UCHL1: variants seen among roughly 807,000 people sequenced by gnomAD.
UCHL1 encodes the protein ubiquitin carboxyl-terminal hydrolase isozyme L1.
A neutral mutation model predicts 33.3 loss-of-function variants in UCHL1; 5 were observed. The ratio of observed to expected loss-of-function variants is 0.15; its 90% CI spans 0.08 to 0.32. The LOEUF (loss-of-function observed/expected upper bound fraction) is 0.32. UCHL1 is among the 10% of genes least tolerant of loss of function. The probability of loss-of-function intolerance (pLI) is 1.00; values close to 1 mark genes in which losing one functional copy is unlikely to be tolerated. For missense variants in UCHL1, 236 were observed against 280.0 expected, an observed-to-expected ratio of 0.84 and a Z score of 1.12; for synonymous variants, 132 against 108.8, an observed-to-expected ratio of 1.21 and a Z score of -1.33.
At chr4:41,260,836 A>G (rs1314060380) in intron 4 of UCHL1, 39 bp downstream of exon 4, 1 of 1,613,950 alleles carries the variant, frequency 6.2e-7, no homozygotes, top group East Asian at 2.2e-5. Flanking sequence ...CTAAGCTTGA[A>G]CTTGAAACAT....
At chr4:41,259,605 A>G (rs1285383385) in intron 3 of UCHL1, among the ~76,000 whole-genome samples, 3 of 152,222 alleles carry the variant, frequency 2.0e-5, no homozygotes, top group African/African-American at 7.2e-5. Flanking sequence ...ATGCAAAGCT[A>G]CTAGAATTGG....
At chr4:41,262,786 T>C (rs958153995) in intron 6 of UCHL1, among the ~76,000 whole-genome samples, 1 of 152,148 alleles carries the variant, frequency 6.6e-6, no homozygotes, top group Non-Finnish European at 1.5e-5. Context: ...TTATATTTTT[T>C]GTAGAGATGG....
chr4:41,261,678 A>G (rs1391257519), intron 4 of UCHL1, 37 bp from the exon 5 acceptor site: 3 of 1,599,034 alleles, frequency 1.9e-6, no homozygotes, highest in African/African-American at 2.7e-5. Flanking sequence ...CACTTGTATT[A>G]TTTTACCTAT....
At position 41,260,495 on chromosome 4, in the gene UCHL1, G is replaced by A. The variant is rs1005648024; in HGVS notation, c.175-152G>A. On this transcript the variant is annotated intron_variant, in intron 3 of 8. Transcript: ENST00000284440. Reference sequence around the variant, plus strand: ...TGGGTGGTGTGGGAGGCAGACAGACGGGCCCTTCTCTGGGAGTCAGCCAAC... The same window carrying A: ...TGGGTGGTGTGGGAGGCAGACAGACAGGCCCTTCTCTGGGAGTCAGCCAAC... 8 of 918,034 alleles carry A rather than the reference G, an allele frequency of 8.7e-6. No homozygotes were observed. In the East Asian group the frequency reaches 1.9e-4, roughly 21 times the overall value. The allele number at this position is 918,034 out of a possible 1,614,324, so 56.9% of individuals were successfully genotyped here.
chr4:41,264,026 C>CT, intron 7 of UCHL1, 77 bp from the exon 8 acceptor site: 1 of 1,594,156 alleles, frequency 6.3e-7, no homozygotes, highest in Non-Finnish European at 8.6e-7. Context: ...GAATCTAAAA[C>CT]TTCCATCTAG....
chr4:41,261,281 T>C (rs1781064311), intron 4 of UCHL1, among the ~76,000 whole-genome samples: 1 of 152,214 alleles, frequency 6.6e-6, no homozygotes, highest in South Asian at 2.1e-4. Context: ...GATTATAGCG[T>C]CATGTATATA....
chr4:41,258,573 G>C (rs1285239270), intron 3 of UCHL1, among the ~76,000 whole-genome samples: 1 of 152,116 alleles, frequency 6.6e-6, no homozygotes, highest in African/African-American at 2.4e-5. Flanking sequence ...ATTAGCGCAT[G>C]GCATTGTCTT....
chr4:41,263,981 GCTTC>G, intron 7 of UCHL1, 118 bp from the exon 8 acceptor site: 1 of 1,263,926 alleles, frequency 7.9e-7, no homozygotes, highest in Non-Finnish European at 1.2e-6. Context: ...TCATAACCAG[GCTTC>G]CTTCTGTGGG....
At chr4:41,257,224 G>A in intron 2 of UCHL1, 98 bp downstream of exon 2, 2 of 1,588,610 alleles carry the variant, frequency 1.3e-6, no homozygotes, top group South Asian at 1.1e-5. Context: ...CAAGCCGCCC[G>A]CTGCGAGCAC....
At chr4:41,262,460 T>C (rs1448099671) in intron 6 of UCHL1, among the ~76,000 whole-genome samples, 9 of 152,140 alleles carry the variant, frequency 5.9e-5, no homozygotes, top group Non-Finnish European at 1.2e-4. Context: ...ATGAGTCTTA[T>C]AGAGTGTACA....
intron 3 of UCHL1, among the ~76,000 whole-genome samples, chr4:41,258,804 A>G (rs1023486837): frequency 6.6e-6 from 1 of 152,248 alleles, no homozygotes; most frequent in Non-Finnish European, 1.5e-5. Flanking sequence ...ATTTACAGCT[A>G]ATAAGATGAT....
chr4:41,258,964 A>G (rs968849258), intron 3 of UCHL1, among the ~76,000 whole-genome samples: 3 of 152,224 alleles, frequency 2.0e-5, no homozygotes, highest in Non-Finnish European at 1.5e-5. Context: ...TAGAGCAACC[A>G]TGATGACTCG....
chr4:41,257,764 G>A, intron 3 of UCHL1, 27 bp downstream of exon 3: 1 of 1,551,718 alleles, frequency 6.4e-7, no homozygotes, highest in South Asian at 1.2e-5. Context: ...AGGATGCGCC[G>A]GCCGCCGGCA....
chr4:41,263,143 C>G, intron 6 of UCHL1, 82 bp from the exon 7 acceptor site: 1 of 1,092,278 alleles, frequency 9.2e-7, no homozygotes. Flanking sequence ...CAAGTCAGTT[C>G]AAGCACATTT....
intron 6 of UCHL1, 151 bp from the exon 7 acceptor site, chr4:41,263,074 G>A: frequency 1.5e-6 from 1 of 678,442 alleles, no homozygotes; most frequent in African/African-American, 1.8e-5. Flanking sequence ...ACCTTAGTGG[G>A]CTTAGAATAG....
chr4:41,259,763 C>G (rs1580924279), intron 3 of UCHL1, among the ~76,000 whole-genome samples: 1 of 152,196 alleles, frequency 6.6e-6, no homozygotes, highest in African/African-American at 2.4e-5. Context: ...CTTCTGAGCT[C>G]AAGTGATCCT....
intron 8 of UCHL1, among the ~76,000 whole-genome samples, chr4:41,267,464 T>C (rs1274132890): frequency 6.6e-6 from 1 of 152,062 alleles, no homozygotes; most frequent in African/African-American, 2.4e-5. Flanking sequence ...GCCAGGATGG[T>C]CTCTATCTCC....
chr4:41,257,251 G>C (rs1197418968), intron 2 of UCHL1, 125 bp downstream of exon 2: 1 of 1,472,164 alleles, frequency 6.8e-7, no homozygotes, highest in Non-Finnish European at 9.2e-7. Flanking sequence ...CGGCCGGGCT[G>C]GGGCGTGGGC....
At chr4:41,258,250 C>T (rs1448069963) in intron 3 of UCHL1, among the ~76,000 whole-genome samples, 2 of 152,242 alleles carry the variant, frequency 1.3e-5, no homozygotes, top group African/African-American at 4.8e-5. Context: ...GTTCTTCTCT[C>T]TTCTCCACTC....
Sources: gnomAD v4.1 joint callset for allele counts (sites outside exome capture counted in the v4.1 genomes callset) on GRCh38, gnomAD v4.1.1 for gene constraint, MANE v1.5 for transcripts, NCBI Gene and HGNC (gene_info 2026-07-23, HGNC 2026-07-21) for gene names.